Variants in CEP43 observed in about 807,000 individuals in gnomAD.
The protein encoded by CEP43 is centrosomal protein 43.
In CEP43, 36 loss-of-function variants were observed where a neutral mutation model predicts 52.6. The observed-to-expected ratio is 0.68, with a 90% confidence interval of 0.52 to 0.90. The LOEUF is 0.90. Ranked by LOEUF, CEP43 falls within the 40% of genes least tolerant of loss-of-function variation. The pLI, the probability that CEP43 is intolerant of heterozygous loss-of-function variation, is 0.00. For missense variants in CEP43, 506 were observed against 472.8 expected, an observed-to-expected ratio of 1.07 and a Z score of -0.65; for synonymous variants, 192 against 172.4, an observed-to-expected ratio of 1.11 and a Z score of -0.89.
chr6:167,010,742 T>C (rs1779966395), intron 5 of CEP43, 71 bp from the exon 6 acceptor site: 4 of 658,334 alleles, frequency 6.1e-6, no homozygotes, highest in South Asian at 5.7e-5. Context: ...GCTAAAATTC[T>C]ATTGGAGTGT....
chr6:167,010,774 T>C (rs1779967231), intron 5 of CEP43, 39 bp from the exon 6 acceptor site: 2 of 1,081,568 alleles, frequency 1.8e-6, no homozygotes, highest in Admixed American at 5.9e-5. Flanking sequence ...TTGTGTTTTA[T>C]TTTTAAATGT....
chr6:167,008,714 T>A (rs1475834038), intron 5 of CEP43, among the ~76,000 whole-genome samples: 3 of 152,030 alleles, frequency 2.0e-5, no homozygotes, highest in Non-Finnish European at 4.4e-5. Context: ...GACCTCGTGA[T>A]CCACCCGCCT....
rs1780840802 is a variant in CEP43, at chr6:167,049,355, C to T, written c.*9377C>T. The T allele has an allele frequency of 6.6e-6, 1 of 152,252 alleles. No homozygotes were observed. The highest frequency in any genetic ancestry group is 2.4e-5 in the African/African-American group (1 of 41,466). The allele number at this position is 152,252 out of a possible 1,614,324, so 9.4% of individuals were successfully genotyped here. A position where few individuals can be genotyped will look rare whatever the true frequency, so the allele number is the denominator to read the frequency against. ...CAAAAAGAAACCTTGTATCCATTGG[C>T]AGTAACTCCCTATGCTCCGCCATTC... On this transcript the variant is annotated 3_prime_UTR_variant, in exon 13 of 13. Transcript: ENST00000366847.
rs902901515 is a variant in CEP43 at position 167,050,325 on chromosome 6, T to C, written c.*10347T>C. 4 of 152,318 alleles carry C rather than the reference T, an allele frequency of 2.6e-5. No individual in the cohort carries two copies. The highest frequency in any genetic ancestry group is 7.2e-5 in the African/African-American group (3 of 41,470). The allele number at this position is 152,318 out of a possible 1,614,324, so 9.4% of individuals were successfully genotyped here. A position where few individuals can be genotyped will look rare whatever the true frequency, so the allele number is the denominator to read the frequency against. On this transcript the variant is annotated 3_prime_UTR_variant, in exon 13 of 13. Transcript: ENST00000366847. ...CCAGCCATGCTGAACTGTGAGTCAA[T>C]TAAACCTCTTTCCTTTATAAATTAC...
At chr6:167,026,115 A>C (rs189139421) in intron 9 of CEP43, among the ~76,000 whole-genome samples, 3 of 152,348 alleles carry the variant, frequency 2.0e-5, no homozygotes, top group Non-Finnish European at 4.4e-5. Context: ...CTGTAATACC[A>C]GCACTTTGGG....
rs570890469 is a variant in CEP43 at position 167,020,387 on chromosome 6, T to G, written c.580-2022T>G. ...AGATGTAAACGTATATCATAAGACA[T>G]GCATAATGCATTCTGTCTGTACCCA... On this transcript the variant is annotated intron_variant, in intron 7 of 12. Coordinates refer to ENST00000366847, the MANE Select transcript of CEP43 (RefSeq NM_007045.4). Among the ~76,000 whole-genome samples, 5 of 152,340 alleles carry G rather than the reference T, an allele frequency of 3.3e-5. No homozygotes were observed. The South Asian group carries it at 1.0e-3, about 32-fold the overall frequency.
intron 7 of CEP43, among the ~76,000 whole-genome samples, chr6:167,016,062 G>T (rs1780091140): frequency 6.7e-6 from 1 of 149,486 alleles, no homozygotes. Flanking sequence ...CATCCTAATT[G>T]TTTGGAAAAA....
intron 7 of CEP43, among the ~76,000 whole-genome samples, chr6:167,019,434 A>G (rs913448735): frequency 3.9e-5 from 6 of 152,120 alleles, no homozygotes; most frequent in Non-Finnish European, 7.3e-5. Context: ...CTTCCTGTAG[A>G]TTTTTTTAAT....
intron 6 of CEP43, chr6:167,011,698 G>A (rs111271444): frequency 0.025 from 3,865 of 154,236 alleles, 172 homozygotes; most frequent in African/African-American, 0.089. Flanking sequence ...CTGGAGGCTG[G>A]AAGTCCAAGA....
At position 167,042,473 on chromosome 6, in the gene CEP43, G is replaced by C; in HGVS notation, c.*2495G>C. 1 of 601,260 alleles carries C rather than the reference G, an allele frequency of 1.7e-6. No homozygotes were observed. Among genetic ancestry groups the C allele is most frequent in the Non-Finnish European group, 2.1e-6 (1 of 478,706 alleles). 37.2% of individuals were successfully genotyped at this position (601,260 alleles called of 1,614,324 possible). ...ATAACAACCTGTGGGCAGTTGTGTA[G>C]ATGCCATTAGTCCCTGCCTCATGCT... On this transcript the variant is annotated 3_prime_UTR_variant, in exon 13 of 13. Coordinates refer to ENST00000366847, the MANE Select transcript of CEP43 (RefSeq NM_007045.4).
At chr6:167,020,365 T>TG (rs1248965684) in intron 7 of CEP43, among the ~76,000 whole-genome samples, 1 of 152,246 alleles carries the variant, frequency 6.6e-6, no homozygotes, top group Non-Finnish European at 1.5e-5. Context: ...GGTGTAAAGA[T>TG]GTAAACGTAT....
At chr6:167,014,124 C>T (rs780074664) in intron 7 of CEP43, among the ~76,000 whole-genome samples, 6 of 152,156 alleles carry the variant, frequency 3.9e-5, no homozygotes, top group Non-Finnish European at 7.3e-5. Context: ...GTTGAAAATA[C>T]GTATTTTTCT....
chr6:167,025,995 A>G (rs1029634145), intron 9 of CEP43, among the ~76,000 whole-genome samples: 4 of 152,214 alleles, frequency 2.6e-5, no homozygotes, highest in Admixed American at 1.3e-4. Flanking sequence ...CTGTTTATGG[A>G]AAGTGATGTC....
rs554173187 is a variant in CEP43, at chr6:167,019,273, C to A, written c.580-3136C>A. On this transcript the variant is annotated intron_variant, in intron 7 of 12. Coordinates refer to ENST00000366847, the MANE Select transcript of CEP43 (RefSeq NM_007045.4). ...TGTGCACACGCATACACCTGCTGTG[C>A]ACACACATACACCTGCTGTGCACAC... Among the ~76,000 whole-genome samples, 3 of 146,566 alleles carry A rather than the reference C, an allele frequency of 2.0e-5. No individual in the cohort carries two copies. In the East Asian group the frequency reaches 6.7e-4, roughly 33 times the overall value.
chr6:167,026,758 T>C (rs1780364915), intron 10 of CEP43, 143 bp downstream of exon 10: 1 of 628,102 alleles, frequency 1.6e-6, no homozygotes, highest in Non-Finnish European at 2.9e-6. Context: ...GGCTTTTATG[T>C]GTTCAGGATT....
rs1362795557 is a variant in CEP43 at position 167,049,229 on chromosome 6, A to T, written c.*9251A>T. The T allele has an allele frequency of 6.6e-6, 1 of 152,236 alleles. No homozygotes were observed. The highest frequency in any genetic ancestry group is 1.5e-5 in the Non-Finnish European group (1 of 68,042). The allele number at this position is 152,236 out of a possible 1,614,324, so 9.4% of individuals were successfully genotyped here. A position where few individuals can be genotyped will look rare whatever the true frequency, so the allele number is the denominator to read the frequency against. The stretch of plus-strand genomic sequence containing the variant: ...TTGTTCCTCATTCACAGGTAATTTT[A>T]TATACTTTTGTATTCACTTTCGAAA... On this transcript the variant is annotated 3_prime_UTR_variant, in exon 13 of 13. Transcript: ENST00000366847.
In CEP43 at chr6:167,040,728, C is replaced by T. The variant is rs73033017; in HGVS notation, c.*750C>T. 15,395 of 1,016,122 alleles carry T rather than the reference C, an allele frequency of 0.015. 166 individuals are homozygous for T. Among genetic ancestry groups the T allele is most frequent in the East Asian group, 0.075 (1,153 of 15,360 alleles). The allele number at this position is 1,016,122 out of a possible 1,614,324, so 62.9% of individuals were successfully genotyped here. ...GGTTCTCTTCATTATAATTTATTAT[C>T]TGTAAAGATTCCTTGAAACTTAAAT... On this transcript the variant is annotated 3_prime_UTR_variant, in exon 13 of 13. Transcript: ENST00000366847.
At chr6:167,039,757 T>G (rs151604) in intron 12 of CEP43, 147 bp from the exon 13 acceptor site, 1 of 786,566 alleles carries the variant, frequency 1.3e-6, no homozygotes, top group Non-Finnish European at 2.1e-6. Flanking sequence ...ACATCTTCAC[T>G]GACATTTATA....
chr6:167,035,670 C>T (rs1424448366), intron 12 of CEP43, among the ~76,000 whole-genome samples: 1 of 151,962 alleles, frequency 6.6e-6, no homozygotes, highest in Non-Finnish European at 1.5e-5. Context: ...GGGTTCATGC[C>T]ATTCTGCTGC....
Sources: allele counts gnomAD v4.1 joint callset (sites outside exome capture counted in the v4.1 genomes callset), GRCh38; gene constraint gnomAD v4.1.1; transcripts MANE v1.5; gene names NCBI Gene and HGNC (gene_info 2026-07-23, HGNC 2026-07-21).